The following KLHL18 variants were observed in gnomAD, a reference collection of about 807,000 sequenced individuals.
KLHL18 encodes the protein kelch like family member 18.
Under a neutral mutation model 58.5 loss-of-function variants are expected in KLHL18, and 38 were observed. The ratio of observed to expected loss-of-function variants is 0.65; its 90% CI spans 0.50 to 0.85. The LOEUF is 0.85. Ranked by LOEUF, KLHL18 falls within the 40% of genes least tolerant of loss-of-function variation. KLHL18 has a pLI of 0.00. For synonymous variants in KLHL18, 303 were observed against 301.9 expected, an observed-to-expected ratio of 1.00 and a Z score of -0.04; for missense variants, 624 against 778.4, an observed-to-expected ratio of 0.80 and a Z score of 2.36.
intron 7 of KLHL18, 50 bp downstream of exon 7, chr3:47,336,807 G>T: frequency 3.5e-6 from 5 of 1,448,970 alleles, no homozygotes; most frequent in African/African-American, 2.8e-5. Flanking sequence ...AGCACCTGGG[G>T]AGCGCCATGC....
At chr3:47,331,024 G>A (rs1703846042) in intron 4 of KLHL18, among the ~76,000 whole-genome samples, 1 of 152,164 alleles carries the variant, frequency 6.6e-6, no homozygotes, top group African/African-American at 2.4e-5. Flanking sequence ...GAGCCACTGT[G>A]CCCGGCCTAG....
Position 47,309,874 on chromosome 3 carries a change from GCC to G in KLHL18, c.130-9778_130-9777del, listed in dbSNP as rs558854935. Among the ~76,000 whole-genome samples, 28 of 152,114 alleles carry G rather than the reference GCC, an allele frequency of 1.8e-4. No homozygotes were observed. In the East Asian group the frequency reaches 5.3e-3, roughly 29 times the overall value. ...AAACCAGTCAGGCGTGGCAGCGCGC[GCC>G]TGCACTGGGCAGGCTGAGGCAGGAG... On this transcript the variant is annotated intron_variant, in intron 1 of 9. Transcript: ENST00000232766.
At chr3:47,286,043 A>C (rs1447968078) in intron 1 of KLHL18, among the ~76,000 whole-genome samples, 2 of 151,870 alleles carry the variant, frequency 1.3e-5, no homozygotes, top group Non-Finnish European at 2.9e-5. Flanking sequence ...CTGTCTCAAA[A>C]AAAAAAAAAA....
At chr3:47,331,070 A>G (rs971162206) in intron 4 of KLHL18, among the ~76,000 whole-genome samples, 1 of 152,016 alleles carries the variant, frequency 6.6e-6, no homozygotes, top group Non-Finnish European at 1.5e-5. Context: ...TGTTCTAAGG[A>G]AGAACAGAAC....
intron 1 of KLHL18, among the ~76,000 whole-genome samples, chr3:47,292,335 G>A (rs565573604): frequency 2.6e-5 from 4 of 152,158 alleles, no homozygotes; most frequent in South Asian, 2.1e-4. Context: ...TTAGCCAGGC[G>A]TGGTGTCGCA....
At chr3:47,337,224 A>G (rs1352198018) in intron 7 of KLHL18, 10 of 178,450 alleles carry the variant, frequency 5.6e-5, no homozygotes, top group South Asian at 1.2e-4. Context: ...CACTTCCACT[A>G]CCTGGGGAGA....
intron 8 of KLHL18, among the ~76,000 whole-genome samples, chr3:47,341,889 T>G: frequency 8.6e-6 from 1 of 116,236 alleles, no homozygotes; most frequent in Admixed American, 8.9e-5. Flanking sequence ...AGAGACCCTG[T>G]CTCTTTTAAA....
intron 1 of KLHL18, among the ~76,000 whole-genome samples, chr3:47,301,558 C>CT (rs1377317637): frequency 5.9e-5 from 9 of 152,114 alleles, no homozygotes; most frequent in African/African-American, 2.2e-4. Context: ...CCTCTGGGTT[C>CT]TCTATTCTGT....
chr3:47,288,543 G>A (rs895769695), intron 1 of KLHL18, among the ~76,000 whole-genome samples: 10 of 152,196 alleles, frequency 6.6e-5, no homozygotes, highest in African/African-American at 1.9e-4. Flanking sequence ...TAGGGAGAAC[G>A]TGAAAATAAA....
At chr3:47,309,720 G>C (rs1208162374) in intron 1 of KLHL18, among the ~76,000 whole-genome samples, 1 of 152,224 alleles carries the variant, frequency 6.6e-6, no homozygotes, top group African/African-American at 2.4e-5. Flanking sequence ...ATTGAGCACT[G>C]AGTGAACGAG....
At chr3:47,342,615 G>T in intron 8 of KLHL18, 104 bp from the exon 9 acceptor site, 1 of 849,282 alleles carries the variant, frequency 1.2e-6, no homozygotes. Context: ...GATAAGAGAT[G>T]GAGAGATGGC....
rs777261722 is a variant in KLHL18, at chr3:47,334,763, G to A, written c.842G>A (p.Arg281His). ...PHLPAFRTRP[R>H]CCTSIAGLIY... ...CTGCCAGCTTTCAGAACCCGGCCAC[G>A]CTGCTGCACATCCATCGCTGGACTT... The change falls in exon 6 of 10, where the codon CGC (arginine) becomes CAC (histidine). Residue 281 changes from arginine to histidine, a missense_variant. Transcript: ENST00000232766. The surrounding 1 kb of genome is among the most constrained non-coding windows in gnomAD (Gnocchi z 4.7). 10 of 1,614,032 alleles carry A rather than the reference G, an allele frequency of 6.2e-6. No homozygotes were observed. Among genetic ancestry groups the A allele is most frequent in the African/African-American group, 1.3e-5 (1 of 74,922 alleles).
At chr3:47,336,264 C>T (rs1264263384) in intron 6 of KLHL18, among the ~76,000 whole-genome samples, 1 of 152,166 alleles carries the variant, frequency 6.6e-6, no homozygotes, top group African/African-American at 2.4e-5. Context: ...TCACCTATAC[C>T]TTTGGCTTTA....
chr3:47,311,418 C>T (rs1309112411), intron 1 of KLHL18, among the ~76,000 whole-genome samples: 3 of 152,000 alleles, frequency 2.0e-5, no homozygotes, highest in African/African-American at 7.2e-5. Context: ...ATAGGCCAGG[C>T]GTGGTGGCTC....
At chr3:47,333,565 T>C (rs913857712) in intron 5 of KLHL18, among the ~76,000 whole-genome samples, 3 of 152,250 alleles carry the variant, frequency 2.0e-5, no homozygotes, top group Admixed American at 1.3e-4. Context: ...TGCTGAGTTA[T>C]CTGAGGATTT....
In KLHL18 at chr3:47,334,969, A is replaced by C; in HGVS notation, c.898+150A>C. The C allele has an allele frequency of 1.3e-6, 1 of 773,948 alleles. No homozygotes were observed. Among genetic ancestry groups the C allele is most frequent in the Non-Finnish European group, 2.0e-6 (1 of 492,728 alleles). The allele number at this position is 773,948 out of a possible 1,614,324, so 47.9% of individuals were successfully genotyped here. ...TTTTATACAATTGCTCTACAGTTAG[A>C]GCATGTCACATATTCATGCCATTGA... On this transcript the variant is annotated intron_variant, in intron 6 of 9. Transcript: ENST00000232766. This position sits in a 1 kb window ranked among gnomAD's most constrained non-coding sequence, Gnocchi z 4.7.
Position 47,334,001 on chromosome 3 carries a change from C to CA in KLHL18, c.762-681dup, listed in dbSNP as rs1314826606. Among the ~76,000 whole-genome samples the CA allele has an allele frequency of 6.6e-6, 1 of 152,206 alleles. No homozygotes were observed. Among genetic ancestry groups the CA allele is most frequent in the African/African-American group, 2.4e-5 (1 of 41,448 alleles). On this transcript the variant is annotated intron_variant, in intron 5 of 9. Coordinates refer to ENST00000232766, the MANE Select transcript of KLHL18 (RefSeq NM_025010.5). The surrounding 1 kb of genome is among the most constrained non-coding windows in gnomAD (Gnocchi z 4.7). ...CCTTTGCTGATAAAAACTTTACACA[C>CA]ATTCAGCTTTCTTTCATTTTCCAAC...
chr3:47,308,112 C>T (rs1703191452), intron 1 of KLHL18, among the ~76,000 whole-genome samples: 1 of 152,090 alleles, frequency 6.6e-6, no homozygotes, highest in African/African-American at 2.4e-5. Context: ...TGGATTACTA[C>T]TTATCATGCA....
chr3:47,327,844 A>G (rs1329213244), intron 3 of KLHL18, among the ~76,000 whole-genome samples: 1 of 152,234 alleles, frequency 6.6e-6, no homozygotes, highest in African/African-American at 2.4e-5. Context: ...ACAATAGTGA[A>G]TATTGCTAAA....
Sources: gnomAD v4.1 joint callset for allele counts (sites outside exome capture counted in the v4.1 genomes callset) on GRCh38, gnomAD v4.1.1 for gene constraint, Gnocchi (gnomAD v3.1) non-coding constraint, MANE v1.5 for transcripts, NCBI Gene and HGNC (gene_info 2026-07-23, HGNC 2026-07-21) for gene names.